Variants in PASK observed in about 807,000 individuals in gnomAD.
The protein encoded by PASK is PAS domain containing serine/threonine kinase, also known as PAS domain-containing serine/threonine-protein kinase.
In PASK, 110 loss-of-function variants were observed where a neutral mutation model predicts 121.0. That is an observed-to-expected ratio of 0.91 (90% CI 0.78 to 1.06). The LOEUF is 1.06. PASK is among the 50% of genes least tolerant of loss of function. The pLI is 0.00. For synonymous variants in PASK, 686 were observed against 717.8 expected, an observed-to-expected ratio of 0.96 and a Z score of 0.71; for missense variants, 1,643 against 1,702.3, an observed-to-expected ratio of 0.97 and a Z score of 0.61.
At chr2:241,146,737 A>G (rs2066974372) in intron 1 of PASK, among the ~76,000 whole-genome samples, 1 of 152,222 alleles carries the variant, frequency 6.6e-6, no homozygotes, top group African/African-American at 2.4e-5. Flanking sequence ...GAGACTGGTA[A>G]ACCTAAATTT....
chr2:241,137,165 TG>T lies in PASK; in HGVS notation c.975del (p.Thr326ProfsTer7). Reference protein sequence around the residue: ...LKSQPSSEEATTGEAAPVSGY... With the variant: ...LKSQPSSEEAXTGEAAPVSGY... ...CCGCTCACAGGGGCCGCCTCACCGG[TG>T]GTCGCCTCCTCGCTGCTGGGTTGGG... On this transcript the variant is annotated frameshift_variant, in exon 7 of 18. Transcript: ENST00000234040. LOFTEE classifies it high-confidence loss of function. 1 of 1,612,944 alleles carries T rather than the reference TG, an allele frequency of 6.2e-7. No homozygotes were observed.
At chr2:241,127,837 G>A (rs1332683288) in intron 9 of PASK, 13 of 350,022 alleles carry the variant, frequency 3.7e-5, no homozygotes, top group Non-Finnish European at 5.5e-5. Flanking sequence ...GAGAGGAAAC[G>A]AGAGAGAGAT....
Position 241,122,735 on chromosome 2 carries a change from C to A in PASK, c.3069G>T (p.Lys1023Asn), listed in dbSNP as rs2065670387. The A allele has an allele frequency of 1.2e-6, 2 of 1,613,940 alleles. No individual in the cohort carries two copies. The highest frequency in any genetic ancestry group is 2.7e-5 in the African/African-American group (2 of 75,012). The stretch of plus-strand genomic sequence containing the variant: ...TCCCCCCCCACAGCCAGGTTACCTC[C>A]TTGTTTTTTTCCTTGTCCACAGCAG... ...VWTAVDKEKN[K>N]EVVVKFIKKE... The change falls in exon 12 of 18, where the codon AAG (lysine) becomes AAT (asparagine). Residue 1023 changes from lysine to asparagine, a missense_variant. Transcript: ENST00000234040.
intron 15 of PASK, among the ~76,000 whole-genome samples, chr2:241,110,246 A>G (rs2065052227): frequency 6.6e-6 from 1 of 152,252 alleles, no homozygotes; most frequent in African/African-American, 2.4e-5. Flanking sequence ...AGGTCCCTAG[A>G]GTAGTCAGAT....
intron 9 of PASK, among the ~76,000 whole-genome samples, chr2:241,130,964 A>G (rs2066098862): frequency 6.6e-6 from 1 of 152,236 alleles, no homozygotes; most frequent in African/African-American, 2.4e-5. Flanking sequence ...ACATGCACAC[A>G]TAGAAGTATA....
chr2:241,110,268 A>G (rs538050346), intron 15 of PASK, among the ~76,000 whole-genome samples: 1 of 152,368 alleles, frequency 6.6e-6, no homozygotes, highest in South Asian at 2.1e-4. Context: ...CATAGAGAAA[A>G]TAGCAGAATG....
intron 1 of PASK, among the ~76,000 whole-genome samples, chr2:241,143,746 A>G (rs1354789417): frequency 6.6e-6 from 1 of 152,126 alleles, no homozygotes; most frequent in African/African-American, 2.4e-5. Context: ...GGGGCTGCAC[A>G]GCTCCCATGG....
chr2:241,127,427 GC>G lies in PASK; in HGVS notation c.1487del (p.Ser496ThrfsTer27). ...APGVDNVPEG[S>X]LPVHGEQALP... is the part of the protein sequence containing the mutation. ...GCGCCTGTTCACCGTGCACTGGCAG[GC>G]TTCCTTCTGGGACATTGTCCACCCT... On this transcript the variant is annotated frameshift_variant, in exon 10 of 18. Transcript: ENST00000234040. LOFTEE classifies it high-confidence loss of function. 1 of 1,614,048 alleles carries G rather than the reference GC, an allele frequency of 6.2e-7. No homozygotes were observed. The highest frequency in any genetic ancestry group is 8.5e-7 in the Non-Finnish European group (1 of 1,179,908).
At chr2:241,136,967 C>T in intron 7 of PASK, 37 bp downstream of exon 7, 1 of 1,603,618 alleles carries the variant, frequency 6.2e-7, no homozygotes, top group Non-Finnish European at 8.5e-7. Context: ...CAGCTTCCTC[C>T]CAGGGAACGG....
chr2:241,116,318 G>A (rs2065367961), intron 12 of PASK, among the ~76,000 whole-genome samples: 1 of 152,224 alleles, frequency 6.6e-6, no homozygotes, highest in African/African-American at 2.4e-5. Context: ...CACAGAAGGG[G>A]GTCAGCAGCT....
intron 9 of PASK, chr2:241,127,836 CGA>C (rs2065950084): frequency 5.7e-6 from 2 of 348,804 alleles, no homozygotes; most frequent in Admixed American, 4.0e-5. Context: ...TGAGAGGAAA[CGA>C]GAGAGAGATT....
chr2:241,122,945 G>GT, intron 11 of PASK, 46 bp from the exon 12 acceptor site: 1 of 1,588,452 alleles, frequency 6.3e-7, no homozygotes, highest in Non-Finnish European at 8.6e-7. Flanking sequence ...AACTGCACCG[G>GT]GCAGAGGTGC....
At chr2:241,139,579 A>G (rs1489279133) in intron 4 of PASK, 2 of 630,048 alleles carry the variant, frequency 3.2e-6, no homozygotes, top group South Asian at 1.5e-5. Flanking sequence ...GCTGCCCGGC[A>G]GGACTGCAAA....
intron 12 of PASK, chr2:241,118,765 GC>G: frequency 3.5e-6 from 1 of 287,754 alleles, no homozygotes; most frequent in Admixed American, 4.2e-5. Context: ...GCTGGCAGGG[GC>G]CCACGGCGCA....
At chr2:241,110,974 C>T (rs1046897963) in intron 15 of PASK, among the ~76,000 whole-genome samples, 5 of 152,206 alleles carry the variant, frequency 3.3e-5, no homozygotes, top group Non-Finnish European at 5.9e-5. Flanking sequence ...GGCATCCAGG[C>T]CCAGAAGAGC....
intron 1 of PASK, chr2:241,145,939 C>T (rs148703809): frequency 2.1e-5 from 3 of 142,154 alleles, no homozygotes; most frequent in African/African-American, 8.0e-5. Flanking sequence ...TCCGTCCCCC[C>T]CAAAAAAAAG....
rs140028226 is a variant in PASK at position 241,130,493 on chromosome 2, C to T, written c.1463+2381G>A. Among the ~76,000 whole-genome samples, 7 of 152,282 alleles carry T rather than the reference C, an allele frequency of 4.6e-5. No individual in the cohort carries two copies. In the East Asian group the frequency reaches 9.6e-4, roughly 21 times the overall value. ...GGGAGCACTGGCAAGGGGGCCCGGC[C>T]GCTAGTGCTGTTGAGCACCCACGGG... On this transcript the variant is annotated intron_variant, in intron 9 of 17. Coordinates refer to ENST00000234040, the MANE Select transcript of PASK (RefSeq NM_015148.4).
chr2:241,150,096 T>G, upstream of PASK: 1 of 1,261,566 alleles, frequency 7.9e-7, no homozygotes, highest in South Asian at 2.2e-5. Context: ...CACGGAAAGA[T>G]CCGCCTGGCC....
chr2:241,124,010 G>A lies in PASK; in HGVS notation c.2843C>T (p.Ala948Val). ...DSAARTRLFL[A>V]SLPGSTHSTA... is the part of the protein sequence containing the mutation. Reference sequence around the variant, plus strand: ...AGAGTGGGTGGAGCCGGGCAGGCTGGCAAGGAACAGGCGGGTCCTGGCGGC... The same window carrying A: ...AGAGTGGGTGGAGCCGGGCAGGCTGACAAGGAACAGGCGGGTCCTGGCGGC... Residue 948 changes from alanine (A) to valine (V), a missense_variant, in exon 11 of 18, where the codon GCC (alanine) becomes GTC (valine). Coordinates refer to ENST00000234040, the MANE Select transcript of PASK (RefSeq NM_015148.4). The A allele has an allele frequency of 6.2e-7, 1 of 1,614,016 alleles. No homozygotes were observed. Among genetic ancestry groups the A allele is most frequent in the Non-Finnish European group, 8.5e-7 (1 of 1,180,008 alleles).
Sources: allele counts gnomAD v4.1 joint callset (sites outside exome capture counted in the v4.1 genomes callset), GRCh38; gene constraint gnomAD v4.1.1; transcripts MANE v1.5; gene names NCBI Gene and HGNC (gene_info 2026-07-23, HGNC 2026-07-21).